The following RAP1GAP2 variants were observed in gnomAD, a reference collection of about 807,000 sequenced individuals.
RAP1GAP2 encodes RAP1 GTPase activating protein 2.
Under a neutral mutation model 95.0 loss-of-function variants are expected in RAP1GAP2, and 27 were observed. That is an observed-to-expected ratio of 0.28 (90% CI 0.21 to 0.39). RAP1GAP2 has a LOEUF of 0.39. Ranked by LOEUF, RAP1GAP2 falls within the 10% of genes least tolerant of loss-of-function variation. RAP1GAP2 has a pLI of 1.00. For synonymous variants in RAP1GAP2, 373 were observed against 380.9 expected (o/e 0.98, Z 0.24); for missense variants, 771 against 970.0 (o/e 0.79, Z 2.72).
rs562423334 is a variant in RAP1GAP2 at position 2,838,003 on chromosome 17, T to A, written c.80+37453T>A. Among the ~76,000 whole-genome samples, 4 of 144,950 alleles carry A rather than the reference T, an allele frequency of 2.8e-5. No homozygotes were observed. The South Asian group carries it at 6.4e-4, about 23-fold the overall frequency. ...CTGGAAAGGAGTATGATGTTCATGT[T>A]CTTTCTTTTTTCCTTTTTTTTTTTT... is the stretch of plus-strand genomic sequence containing the variant. On this transcript the variant is annotated intron_variant, in intron 2 of 24. Coordinates refer to ENST00000254695, the MANE Select transcript of RAP1GAP2 (RefSeq NM_015085.5).
chr17:2,897,766 G>A (rs1252749486), intron 2 of RAP1GAP2, among the ~76,000 whole-genome samples: 2 of 152,090 alleles, frequency 1.3e-5, no homozygotes, highest in Non-Finnish European at 2.9e-5. Context: ...GGGTTTGGGC[G>A]GTTCCCTCGG....
chr17:2,798,020 A>G (rs1371385263), intron 1 of RAP1GAP2, among the ~76,000 whole-genome samples: 1 of 152,228 alleles, frequency 6.6e-6, no homozygotes, highest in Admixed American at 6.5e-5. Flanking sequence ...GTTGAGACCC[A>G]CAGCTCCAGA....
chr17:2,809,542 G>A (rs1488966683), intron 2 of RAP1GAP2, among the ~76,000 whole-genome samples: 1 of 152,120 alleles, frequency 6.6e-6, no homozygotes, highest in Admixed American at 6.5e-5. Context: ...GGGTCCTCAT[G>A]AACCCCCAGG....
At chr17:2,896,073 C>T (rs902187505) in intron 2 of RAP1GAP2, among the ~76,000 whole-genome samples, 3 of 152,058 alleles carry the variant, frequency 2.0e-5, no homozygotes, top group Admixed American at 6.6e-5. Flanking sequence ...GCCTCCTGTG[C>T]GATCCCGTAG....
At chr17:2,781,800 CTG>C (rs753602985) in intron 1 of RAP1GAP2, among the ~76,000 whole-genome samples, 2 of 147,832 alleles carry the variant, frequency 1.4e-5, no homozygotes, top group South Asian at 2.2e-4. Flanking sequence ...GTGTGCACGT[CTG>C]TGTGTGCACG....
At chr17:2,910,749 G>A (rs932150136) in intron 3 of RAP1GAP2, among the ~76,000 whole-genome samples, 3 of 152,028 alleles carry the variant, frequency 2.0e-5, no homozygotes, top group Non-Finnish European at 4.4e-5. Context: ...TTTTTGAGAC[G>A]GAGTCTCACT....
At chr17:2,945,751 C>T (rs562483178) in intron 3 of RAP1GAP2, among the ~76,000 whole-genome samples, 1 of 151,674 alleles carries the variant, frequency 6.6e-6, no homozygotes, top group African/African-American at 2.4e-5. Context: ...CTTCTTCATC[C>T]TGTTAATGTG....
intron 3 of RAP1GAP2, among the ~76,000 whole-genome samples, chr17:2,929,377 A>G (rs574101381): frequency 1.3e-5 from 2 of 151,992 alleles, no homozygotes; most frequent in Non-Finnish European, 2.9e-5. Flanking sequence ...GAATCTGGCA[A>G]TCCCCTGGCC....
intron 4 of RAP1GAP2, among the ~76,000 whole-genome samples, chr17:2,959,850 T>G (rs8070330): frequency 0.58 from 88,212 of 151,680 alleles, 26,911 homozygotes; most frequent in African/African-American, 0.78. Flanking sequence ...TTGTGGCCAG[T>G]TGCGGTGTCT....
At chr17:2,768,705 A>AAC (rs1555539500) in intron 1 of RAP1GAP2, among the ~76,000 whole-genome samples, 3 of 151,662 alleles carry the variant, frequency 2.0e-5, no homozygotes, top group African/African-American at 7.2e-5. Flanking sequence ...AAAAAAAAAA[A>AAC]AAAAAGAGTT....
intron 2 of RAP1GAP2, among the ~76,000 whole-genome samples, chr17:2,826,827 G>A (rs1450443324): frequency 6.6e-6 from 1 of 152,070 alleles, no homozygotes; most frequent in African/African-American, 2.4e-5. Flanking sequence ...CCAACATGGC[G>A]AAACCCCGTC....
intron 2 of RAP1GAP2, among the ~76,000 whole-genome samples, chr17:2,849,001 T>C (rs948206040): frequency 6.6e-6 from 1 of 151,974 alleles, no homozygotes; most frequent in Admixed American, 6.6e-5. Context: ...AGTGGAGGTG[T>C]CTTAGCACAG....
At chr17:2,809,632 C>G (rs985293463) in intron 2 of RAP1GAP2, among the ~76,000 whole-genome samples, 8 of 152,226 alleles carry the variant, frequency 5.3e-5, no homozygotes, top group African/African-American at 1.9e-4. Context: ...TGGGAAGACT[C>G]ACGGTCCTGT....
intron 2 of RAP1GAP2, among the ~76,000 whole-genome samples, chr17:2,865,854 C>T (rs2072593464): frequency 6.6e-6 from 1 of 152,230 alleles, no homozygotes. Context: ...TTGGTGGCAT[C>T]TGCCCCTCTC....
intron 13 of RAP1GAP2, among the ~76,000 whole-genome samples, chr17:2,997,073 A>G (rs777017728): frequency 1.1e-4 from 16 of 152,146 alleles, no homozygotes; most frequent in Non-Finnish European, 2.2e-4. Context: ...ACTTCAGGAC[A>G]GGGTTAACAT....
At chr17:2,962,608 TTA>T (rs2044387394) in intron 4 of RAP1GAP2, 60 bp from the exon 5 acceptor site, 4 of 1,500,134 alleles carry the variant, frequency 2.7e-6, no homozygotes, top group Non-Finnish European at 2.7e-6. Context: ...CAGGTGCTCT[TTA>T]TCTGGCCCTG....
At chr17:2,758,438 G>A (rs776295264) in intron 1 of RAP1GAP2, among the ~76,000 whole-genome samples, 1 of 152,150 alleles carries the variant, frequency 6.6e-6, no homozygotes, top group Non-Finnish European at 1.5e-5. Context: ...CTCCCAAAGT[G>A]CTGGGATTAC....
At chr17:2,783,016 C>G (rs1474746427) in intron 1 of RAP1GAP2, among the ~76,000 whole-genome samples, 3 of 152,198 alleles carry the variant, frequency 2.0e-5, no homozygotes, top group Non-Finnish European at 2.9e-5. Flanking sequence ...GACTCCGTCT[C>G]AAAACAAACA....
intron 3 of RAP1GAP2, among the ~76,000 whole-genome samples, chr17:2,946,671 ATAGG>A (rs2043707776): frequency 6.6e-6 from 1 of 152,182 alleles, no homozygotes; most frequent in Admixed American, 6.5e-5. Context: ...GATGAACCCC[ATAGG>A]TCAGTGGTTC....
Sources: allele counts gnomAD v4.1 joint callset (sites outside exome capture counted in the v4.1 genomes callset), GRCh38; gene constraint gnomAD v4.1.1; transcripts MANE v1.5; gene names NCBI Gene and HGNC (gene_info 2026-07-23, HGNC 2026-07-21).